PTPRT: variants seen among roughly 807,000 people sequenced by gnomAD.
The protein encoded by PTPRT is receptor-type tyrosine-protein phosphatase T.
PTPRT carries 56 observed loss-of-function variants against 176.8 expected under a neutral mutation model. That is an observed-to-expected ratio of 0.32 (90% CI 0.26 to 0.40). The LOEUF (loss-of-function observed/expected upper bound fraction) is 0.40. Among genes scored for constraint, PTPRT ranks in the 10% least tolerant of loss-of-function variants. The pLI is 1.00. For synonymous variants in PTPRT, 783 were observed against 739.0 expected (o/e 1.06, Z -0.96); for missense variants, 1,540 against 1,908.2 (o/e 0.81, Z 3.60).
chr20:42,550,256 G>C (rs1229272565), intron 7 of PTPRT, among the ~76,000 whole-genome samples: 1 of 151,898 alleles, frequency 6.6e-6, no homozygotes, highest in Non-Finnish European at 1.5e-5. Flanking sequence ...AAGACTAGAA[G>C]TATCTCCAGA....
chr20:42,333,428 T>C (rs1600848443), intron 11 of PTPRT, among the ~76,000 whole-genome samples: 1 of 151,878 alleles, frequency 6.6e-6, no homozygotes, highest in Non-Finnish European at 1.5e-5. Context: ...GACTCCCTGG[T>C]TCAAGCAATT....
intron 7 of PTPRT, among the ~76,000 whole-genome samples, chr20:42,491,580 T>G (rs2071561865): frequency 6.6e-6 from 1 of 151,980 alleles, no homozygotes; most frequent in African/African-American, 2.4e-5. Flanking sequence ...AGGGGGCAAG[T>G]TTTCTTCTCC....
At chr20:43,152,241 A>G (rs912025661) in intron 1 of PTPRT, among the ~76,000 whole-genome samples, 1 of 152,222 alleles carries the variant, frequency 6.6e-6, no homozygotes. Context: ...ATATGCCAGA[A>G]TATTAAAGTG....
At chr20:42,402,772 G>A (rs1052544634) in intron 9 of PTPRT, among the ~76,000 whole-genome samples, 8 of 151,570 alleles carry the variant, frequency 5.3e-5, no homozygotes, top group Admixed American at 2.0e-4. Flanking sequence ...TACTCATGCC[G>A]CTTTGTGTTT....
chr20:42,972,448 G>C (rs1277033248), intron 1 of PTPRT, among the ~76,000 whole-genome samples: 1 of 151,578 alleles, frequency 6.6e-6, no homozygotes, highest in Non-Finnish European at 1.5e-5. Context: ...GATAACTTGA[G>C]GTAAGGAGTT....
intron 19 of PTPRT, among the ~76,000 whole-genome samples, chr20:42,122,132 C>T (rs1987623685): frequency 6.6e-6 from 1 of 152,124 alleles, no homozygotes; most frequent in Admixed American, 6.5e-5. Context: ...GCAATACATA[C>T]AGTAACAAAA....
At chr20:42,493,983 T>A (rs1432839045) in intron 7 of PTPRT, among the ~76,000 whole-genome samples, 1 of 152,084 alleles carries the variant, frequency 6.6e-6, no homozygotes, top group Non-Finnish European at 1.5e-5. Context: ...TCTCCTGTTG[T>A]CTTCCAGAAA....
chr20:42,326,003 G>C (rs2057876318), intron 11 of PTPRT, among the ~76,000 whole-genome samples: 1 of 152,126 alleles, frequency 6.6e-6, no homozygotes, highest in African/African-American at 2.4e-5. Flanking sequence ...CCTCTGCCAG[G>C]GAAGTCTGTC....
chr20:42,346,663 G>C (rs539078900), intron 11 of PTPRT, among the ~76,000 whole-genome samples: 2 of 152,162 alleles, frequency 1.3e-5, no homozygotes, highest in Admixed American at 6.5e-5. Flanking sequence ...TGCACACTCA[G>C]TTCTACCAGA....
intron 1 of PTPRT, among the ~76,000 whole-genome samples, chr20:42,972,835 A>G (rs1982735283): frequency 6.6e-6 from 1 of 152,122 alleles, no homozygotes; most frequent in Admixed American, 6.6e-5. Flanking sequence ...ACTTTCTGCA[A>G]TGAAGTCCTA....
At chr20:42,201,920 C>G (rs1991466360) in intron 15 of PTPRT, among the ~76,000 whole-genome samples, 1 of 141,286 alleles carries the variant, frequency 7.1e-6, no homozygotes, top group Admixed American at 7.2e-5. Flanking sequence ...GAACTGGATC[C>G]AGGAATCCCA....
intron 16 of PTPRT, among the ~76,000 whole-genome samples, chr20:42,162,775 C>T (rs1370084599): frequency 2.0e-5 from 3 of 152,236 alleles, no homozygotes; most frequent in Non-Finnish European, 4.4e-5. Flanking sequence ...TGCAACTTGT[C>T]TTTTCAAAAT....
At chr20:42,635,330 A>T (rs2074571351) in intron 7 of PTPRT, among the ~76,000 whole-genome samples, 1 of 152,174 alleles carries the variant, frequency 6.6e-6, no homozygotes, top group South Asian at 2.1e-4. Flanking sequence ...CAGTATCAAG[A>T]AATATTTTAA....
At position 42,280,496 on chromosome 20, in the gene PTPRT, C is replaced by A. The variant is rs549198569; in HGVS notation, c.2176+1993G>T. Among the ~76,000 whole-genome samples the A allele has an allele frequency of 5.9e-5, 9 of 152,236 alleles. No individual in the cohort carries two copies. In the South Asian group the frequency reaches 1.5e-3, roughly 25 times the overall value. On this transcript the variant is annotated intron_variant, in intron 13 of 30. Coordinates refer to ENST00000373187, the MANE Select transcript of PTPRT (RefSeq NM_007050.6). ...TGCGGATGCTCTGATTTCCCAATAC[C>A]CTGACCTCTCAGAAGCCTGCCTGGG... is the stretch of plus-strand genomic sequence containing the variant.
intron 6 of PTPRT, among the ~76,000 whole-genome samples, chr20:42,730,651 G>C (rs1024862563): frequency 6.6e-6 from 1 of 152,022 alleles, no homozygotes; most frequent in Admixed American, 6.6e-5. Context: ...GTGTAGTTCT[G>C]CTGCTGGAAG....
At chr20:43,156,941 G>C (rs1212080711) in intron 1 of PTPRT, among the ~76,000 whole-genome samples, 2 of 152,154 alleles carry the variant, frequency 1.3e-5, no homozygotes, top group East Asian at 3.9e-4. Context: ...GATGGTAGCT[G>C]GATGTGATGC....
chr20:42,389,625 G>T (rs2058779987), intron 9 of PTPRT, among the ~76,000 whole-genome samples: 1 of 152,030 alleles, frequency 6.6e-6, no homozygotes, highest in African/African-American at 2.4e-5. Flanking sequence ...CAAGGCGAGA[G>T]ACTTCTTGCT....
At chr20:42,291,240 T>A (rs2057311795) in intron 12 of PTPRT, among the ~76,000 whole-genome samples, 1 of 152,106 alleles carries the variant, frequency 6.6e-6, no homozygotes, top group South Asian at 2.1e-4. Flanking sequence ...AACAGATATT[T>A]ATTGAATGAT....
At chr20:43,123,343 T>C (rs549267494) in intron 1 of PTPRT, among the ~76,000 whole-genome samples, 2 of 152,334 alleles carry the variant, frequency 1.3e-5, no homozygotes, top group Non-Finnish European at 2.9e-5. Context: ...CTAGGTCTTT[T>C]AGAATGCATG....
Sources: allele counts gnomAD v4.1 joint callset (sites outside exome capture counted in the v4.1 genomes callset), GRCh38; gene constraint gnomAD v4.1.1; transcripts MANE v1.5; gene names NCBI Gene and HGNC (gene_info 2026-07-23, HGNC 2026-07-21).